The following STRADA variants were observed in gnomAD, a reference collection of about 807,000 sequenced individuals.
STRADA encodes STE20-related kinase adapter protein alpha.
STRADA carries 26 observed loss-of-function variants against 55.0 expected under a neutral mutation model. The ratio of observed to expected loss-of-function variants is 0.47; its 90% CI spans 0.35 to 0.66. The LOEUF is 0.66. Among genes scored for constraint, STRADA ranks in the 30% least tolerant of loss-of-function variants. The pLI is 0.01. For synonymous variants in STRADA, 197 were observed against 210.9 expected (o/e 0.93, Z 0.57); for missense variants, 443 against 549.7 (o/e 0.81, Z 1.94).
In STRADA at chr17:63,734,590, T is replaced by C. The variant is rs989179354; in HGVS notation, c.-44-6177A>G. 1.8e-4 allele frequency among the ~76,000 whole-genome samples: 28 copies of C among 152,156 alleles called. 1 individual carries two copies. Among genetic ancestry groups the C allele is most frequent in the African/African-American group, 6.5e-4 (27 of 41,508 alleles). ...AGGCAGAGGTTGCAGTGAGCCGAGA[T>C]TGCGCCACTGCACTCCAGCCTGGAT... On this transcript the variant is annotated intron_variant, in intron 1 of 12. Coordinates refer to ENST00000336174, the MANE Select transcript of STRADA (RefSeq NM_001003787.4).
chr17:63,720,538 G>T (rs1382257086), intron 4 of STRADA, among the ~76,000 whole-genome samples: 1 of 151,616 alleles, frequency 6.6e-6, no homozygotes, highest in Non-Finnish European at 1.5e-5. Flanking sequence ...ACTTTGGAAG[G>T]CCGAGGCAGG....
In STRADA at chr17:63,732,135, C is replaced by T. The variant is rs186011748; in HGVS notation, c.-44-3722G>A. Among the ~76,000 whole-genome samples the T allele has an allele frequency of 7.8e-3, 1,180 of 150,652 alleles. 5 individuals are homozygous for T. The highest frequency in any genetic ancestry group is 0.012 in the Non-Finnish European group (798 of 67,520). ...CACCCGCCTCGGCCTCCCAAAGTGCCGGGATTACAGGCGTGAGCCACCGCG... is the reference window on the plus strand; with the variant it reads ...CACCCGCCTCGGCCTCCCAAAGTGCTGGGATTACAGGCGTGAGCCACCGCG... On this transcript the variant is annotated intron_variant, in intron 1 of 12. Transcript: ENST00000336174.
intron 2 of STRADA, chr17:63,726,986 A>G (rs2037706235): frequency 2.5e-6 from 1 of 402,624 alleles, no homozygotes; most frequent in African/African-American, 2.1e-5. Flanking sequence ...TATTGGTTCC[A>G]TCTTACTCGT....
chr17:63,739,650 T>C (rs2038714689), intron 1 of STRADA, among the ~76,000 whole-genome samples: 1 of 150,406 alleles, frequency 6.6e-6, no homozygotes, highest in Non-Finnish European at 1.5e-5. Flanking sequence ...ATGTGTATAT[T>C]ATATATTATG....
At chr17:63,730,816 C>T (rs2037987483) in intron 1 of STRADA, among the ~76,000 whole-genome samples, 1 of 152,058 alleles carries the variant, frequency 6.6e-6, no homozygotes, top group South Asian at 2.1e-4. Flanking sequence ...CCACCTTAGG[C>T]TCCCAAAGTG....
At chr17:63,724,590 T>C (rs899398690) in intron 3 of STRADA, among the ~76,000 whole-genome samples, 1 of 152,180 alleles carries the variant, frequency 6.6e-6, no homozygotes, top group Non-Finnish European at 1.5e-5. Flanking sequence ...TTTTTTGTCT[T>C]TTTAGCAGAG....
chr17:63,728,302 T>C, intron 2 of STRADA, 32 bp downstream of exon 2: 1 of 1,609,146 alleles, frequency 6.2e-7, no homozygotes, highest in South Asian at 1.1e-5. Flanking sequence ...AAAACAAAAA[T>C]AGTAAAGCCA....
At chr17:63,732,486 T>TA (rs78463501) in intron 1 of STRADA, among the ~76,000 whole-genome samples, 393 of 139,188 alleles carry the variant, frequency 2.8e-3, no homozygotes, top group African/African-American at 4.2e-3. Context: ...CCTGGCTAGT[T>TA]AAAAAAAAAA....
intron 4 of STRADA, among the ~76,000 whole-genome samples, chr17:63,719,369 C>G (rs2037128351): frequency 6.6e-6 from 1 of 152,192 alleles, no homozygotes; most frequent in African/African-American, 2.4e-5. Flanking sequence ...AAGCAAACTC[C>G]TTAAAATTTC....
At chr17:63,709,098 C>T (rs1392468266) in intron 8 of STRADA, among the ~76,000 whole-genome samples, 1 of 152,224 alleles carries the variant, frequency 6.6e-6, no homozygotes, top group African/African-American at 2.4e-5. Context: ...CTAACCAACA[C>T]ACGTGTGAAT....
intron 1 of STRADA, among the ~76,000 whole-genome samples, chr17:63,737,106 G>A (rs1661027119): frequency 6.6e-6 from 1 of 151,412 alleles, no homozygotes; most frequent in Non-Finnish European, 1.5e-5. Flanking sequence ...AAAAGTAGCT[G>A]GGCATGGTGG....
chr17:63,705,993 C>G (rs2036063267), intron 10 of STRADA: 1 of 152,254 alleles, frequency 6.6e-6, no homozygotes, highest in South Asian at 2.1e-4. Flanking sequence ...AGCCTGCATC[C>G]TGCCCCTCCC....
intron 5 of STRADA, among the ~76,000 whole-genome samples, 157 bp downstream of exon 5, chr17:63,713,849 A>AG (rs2036669934): frequency 6.6e-6 from 1 of 152,126 alleles, no homozygotes; most frequent in African/African-American, 2.4e-5. Context: ...CATACTTGGC[A>AG]TAAAAAAACA....
intron 3 of STRADA, among the ~76,000 whole-genome samples, chr17:63,724,932 C>T (rs539056369): frequency 6.6e-6 from 1 of 152,256 alleles, no homozygotes; most frequent in East Asian, 1.9e-4. Flanking sequence ...TCCAGAAATT[C>T]TTTGAGATGT....
chr17:63,728,707 T>C (rs1266941594), intron 1 of STRADA, among the ~76,000 whole-genome samples: 1 of 138,594 alleles, frequency 7.2e-6, no homozygotes, highest in Non-Finnish European at 1.5e-5. Context: ...GAGACCAGCC[T>C]GGCCAACATG....
intron 1 of STRADA, among the ~76,000 whole-genome samples, chr17:63,739,133 T>A: frequency 1.1e-5 from 1 of 89,570 alleles, no homozygotes; most frequent in South Asian, 4.3e-4. Flanking sequence ...AGAGCGAGAC[T>A]CCATCTCAAA....
At chr17:63,741,296 C>T (rs571957303) in intron 1 of STRADA, 56 of 152,358 alleles carry the variant, frequency 3.7e-4, no homozygotes, top group African/African-American at 1.3e-3. Flanking sequence ...TAGGCCGATT[C>T]TGGGAGTCAT....
At chr17:63,711,084 G>A (rs572050404) in intron 6 of STRADA, 8 of 518,532 alleles carry the variant, frequency 1.5e-5, no homozygotes, top group African/African-American at 3.8e-5. Context: ...CCAGCACACC[G>A]ACTCAGAGAT....
At chr17:63,725,157 G>A (rs778359150) in intron 3 of STRADA, among the ~76,000 whole-genome samples, 28 of 151,880 alleles carry the variant, frequency 1.8e-4, no homozygotes, top group African/African-American at 4.8e-4. Context: ...TCTTGAACCC[G>A]GGAGGCGGAG....
Sources: allele counts gnomAD v4.1 joint callset (sites outside exome capture counted in the v4.1 genomes callset), GRCh38; gene constraint gnomAD v4.1.1; transcripts MANE v1.5; gene names NCBI Gene and HGNC (gene_info 2026-07-23, HGNC 2026-07-21).